Variants in URB1 observed in about 807,000 individuals in gnomAD.
URB1 encodes the protein URB1 ribosome biogenesis factor.
URB1 carries 197 observed loss-of-function variants against 242.3 expected under a neutral mutation model. The ratio of observed to expected loss-of-function variants is 0.81; its 90% CI spans 0.72 to 0.91. URB1 has a LOEUF of 0.91. Ranked by LOEUF, URB1 falls within the 40% of genes least tolerant of loss-of-function variation. URB1 has a pLI of 0.00. For synonymous variants in URB1, 1,153 were observed against 1,201.8 expected (o/e 0.96, Z 0.84); for missense variants, 2,721 against 2,860.5 (o/e 0.95, Z 1.11).
At position 32,373,691 on chromosome 21, in the gene URB1, A is replaced by G; in HGVS notation, c.832T>C (p.Tyr278His). Residue 278 changes from tyrosine (Y) to histidine (H), a missense_variant, in exon 7 of 39, where the codon TAC (tyrosine) becomes CAC (histidine). Transcript: ENST00000382751. ...GQLLNHIASL[Y>H]NWNGITDVNP... Reference sequence around the variant, plus strand: ...ACATCGGTAATCCCATTCCAGTTGTACAGCGATGCTATGTGGTTCAATAAC... The same window carrying G: ...ACATCGGTAATCCCATTCCAGTTGTGCAGCGATGCTATGTGGTTCAATAAC... The G allele has an allele frequency of 6.5e-7, 1 of 1,547,722 alleles. No homozygotes were observed. The highest frequency in any genetic ancestry group is 1.4e-5 in the African/African-American group (1 of 72,882).
chr21:32,386,379 C>T (rs1156655127), intron 1 of URB1, among the ~76,000 whole-genome samples: 1 of 152,142 alleles, frequency 6.6e-6, no homozygotes, highest in African/African-American at 2.4e-5. Context: ...TGTCTGCAAG[C>T]CAGGACGTGC....
chr21:32,363,150 G>T lies in URB1; in HGVS notation c.1509+6C>A. 1 of 1,550,680 alleles carries T rather than the reference G, an allele frequency of 6.4e-7. No individual in the cohort carries two copies. The highest frequency in any genetic ancestry group is 8.7e-7 in the Non-Finnish European group (1 of 1,146,680). ...AAGGAAAGCCCAAACCCAGATCAGA[G>T]CCTACCTTGCTCAGGGCTTCTCTGA... On this transcript the variant is annotated splice_donor_region_variant and intron_variant, in intron 11 of 38. Transcript: ENST00000382751.
chr21:32,319,480 C>T (rs1230196147), intron 35 of URB1, 66 bp from the exon 36 acceptor site: 43 of 1,401,794 alleles, frequency 3.1e-5, no homozygotes, highest in Non-Finnish European at 4.0e-5. Context: ...CAGACTATCG[C>T]CCTCCATAAT....
chr21:32,312,378 C>T lies in URB1; in HGVS notation c.*2540G>A, dbSNP rs949939720. ...CTGAGTTCACCTGGTCCTTCTGTAC[C>T]TTTGTTAGGATGCTGGGTAAGTTCC... On this transcript the variant is annotated 3_prime_UTR_variant, in exon 39 of 39. Transcript: ENST00000382751. The T allele has an allele frequency of 8.9e-7, 1 of 1,121,432 alleles. No individual in the cohort carries two copies. Among genetic ancestry groups the T allele is most frequent in the Middle Eastern group, 4.1e-4 (1 of 2,450 alleles). The allele number at this position is 1,121,432 out of a possible 1,614,324, so 69.5% of individuals were successfully genotyped here.
chr21:32,352,630 C>T, intron 19 of URB1, 80 bp downstream of exon 19: 5 of 1,520,600 alleles, frequency 3.3e-6, no homozygotes, highest in Non-Finnish European at 4.4e-6. Flanking sequence ...TACCCAACTG[C>T]ACAGCTGTGG....
chr21:32,320,676 GA>G (rs1214444807), intron 34 of URB1, 36 bp from the exon 35 acceptor site: 3 of 1,421,596 alleles, frequency 2.1e-6, no homozygotes, highest in African/African-American at 2.9e-5. Flanking sequence ...TCTTCAGTGA[GA>G]AAACCCACTT....
intron 31 of URB1, 132 bp downstream of exon 31, chr21:32,325,097 A>G: frequency 2.5e-6 from 3 of 1,196,264 alleles, no homozygotes; most frequent in Non-Finnish European, 3.4e-6. Flanking sequence ...TTTGCTCTTC[A>G]GCAGAGATCT....
rs533329211 is a variant in URB1, at chr21:32,333,740, A to T, written c.4858-321T>A. Among the ~76,000 whole-genome samples, 12 of 152,348 alleles carry T rather than the reference A, an allele frequency of 7.9e-5. No homozygotes were observed. The South Asian group carries it at 2.5e-3, about 32-fold the overall frequency. On this transcript the variant is annotated intron_variant, in intron 29 of 38. Transcript: ENST00000382751. ...CTCATGTTAGTGCTCAAAAAGCTTCAAATTTTGGAACATTTCAGATTTGGG... is the reference window on the plus strand; with the variant it reads ...CTCATGTTAGTGCTCAAAAAGCTTCTAATTTTGGAACATTTCAGATTTGGG...
intron 6 of URB1, among the ~76,000 whole-genome samples, chr21:32,375,008 A>G (rs971450710): frequency 1.6e-4 from 25 of 152,260 alleles, no homozygotes; most frequent in African/African-American, 6.0e-4. Context: ...TAAAATATCA[A>G]TAAGATGCTT....
chr21:32,347,231 G>A lies in URB1; in HGVS notation c.3593C>T (p.Thr1198Ile), dbSNP rs2033100192. The A allele has an allele frequency of 6.4e-7, 1 of 1,550,604 alleles. No individual in the cohort carries two copies. The highest frequency in any genetic ancestry group is 2.0e-5 in the Admixed American group (1 of 50,996). Residue 1198 changes from threonine (T) to isoleucine (I), a missense_variant, in exon 22 of 39, where the codon ACA (threonine) becomes ATA (isoleucine). Transcript: ENST00000382751. ...LPTLAVDELDTVLLHTLQRDP... is the reference protein window; with the variant it reads ...LPTLAVDELDIVLLHTLQRDP... Reference sequence around the variant, plus strand: ...TCTCTGCAGAGTGTGGAGGAGCACTGTGTCCAGCTCGTCCACTGCTAGCGT... The same window carrying A: ...TCTCTGCAGAGTGTGGAGGAGCACTATGTCCAGCTCGTCCACTGCTAGCGT...
chr21:32,367,305 C>T (rs1336025303), intron 9 of URB1, among the ~76,000 whole-genome samples: 1 of 152,134 alleles, frequency 6.6e-6, no homozygotes, highest in African/African-American at 2.4e-5. Context: ...ACACTCACCC[C>T]TCCCCTATCC....
chr21:32,318,118 A>G (rs550619022), intron 36 of URB1, among the ~76,000 whole-genome samples: 2 of 152,292 alleles, frequency 1.3e-5, no homozygotes, highest in Admixed American at 1.3e-4. Flanking sequence ...GAAGGCACAA[A>G]GGGGACCTGG....
intron 23 of URB1, 85 bp downstream of exon 23, chr21:32,345,289 C>T: frequency 2.2e-6 from 3 of 1,392,218 alleles, no homozygotes; most frequent in Non-Finnish European, 3.0e-6. Flanking sequence ...AGTAATGCAG[C>T]AGTTTTTCAA....
In URB1 at chr21:32,347,775, G is replaced by T; in HGVS notation, c.3049C>A (p.Pro1017Thr). 6.5e-7 allele frequency: 1 copy of T among 1,547,562 alleles called. No homozygotes were observed. The highest frequency in any genetic ancestry group is 2.0e-5 in the Admixed American group (1 of 50,962). ...GCCAGGAACCAGCCCTCCAGGGTGG[G>T]GTGCCTGAGGATGGCCACAAGCACC... ...EEVLVAILRH[P>T]TLEGWFLALE... is the part of the protein sequence containing the mutation. The change falls in exon 22 of 39, where the codon CCC becomes ACC. Residue 1017 changes from proline to threonine, a missense_variant. By Grantham distance (38) the Pro-to-Thr change is conservative. Coordinates refer to ENST00000382751, the MANE Select transcript of URB1 (RefSeq NM_014825.3).
intron 38 of URB1, among the ~76,000 whole-genome samples, chr21:32,315,642 TACAAG>T (rs1348818790): frequency 3.3e-5 from 5 of 152,230 alleles, no homozygotes. Flanking sequence ...AAAAAGCTGT[TACAAG>T]ACAAGTCTCT....
In URB1 at chr21:32,314,587, G is replaced by A. The variant is rs200672846; in HGVS notation, c.*331C>T. ...ATGAATCTCTTCTGCATTCAGAAGT[G>A]CTGCCTCAAACTCGAGCTATTTCCT... On this transcript the variant is annotated 3_prime_UTR_variant, in exon 39 of 39. Coordinates refer to ENST00000382751, the MANE Select transcript of URB1 (RefSeq NM_014825.3). 2 of 1,614,218 alleles carry A rather than the reference G, an allele frequency of 1.2e-6. No individual in the cohort carries two copies. Among genetic ancestry groups the A allele is most frequent in the Admixed American group, 1.7e-5 (1 of 60,030 alleles).
intron 8 of URB1, among the ~76,000 whole-genome samples, chr21:32,369,567 C>G (rs1426192793): frequency 6.6e-6 from 1 of 152,162 alleles, no homozygotes. Flanking sequence ...TCAAGTGACC[C>G]TCCTGCCTCA....
At chr21:32,366,888 G>T in intron 9 of URB1, 133 bp from the exon 10 acceptor site, 2 of 971,682 alleles carry the variant, frequency 2.1e-6, no homozygotes, top group Non-Finnish European at 3.0e-6. Context: ...TCCCCACAAG[G>T]CAGAGTGGAA....
chr21:32,334,168 G>C lies in URB1; in HGVS notation c.4852C>G (p.Pro1618Ala), dbSNP rs566568618. The C allele has an allele frequency of 9.0e-5, 139 of 1,544,512 alleles. No individual in the cohort carries two copies. In the East Asian group the frequency reaches 3.1e-3, roughly 34 times the overall value. Residue 1618 changes from proline to alanine, a missense_variant, in exon 29 of 39, where the codon CCC becomes GCC. Pro to Ala is a conservative substitution (Grantham distance 27). Coordinates refer to ENST00000382751, the MANE Select transcript of URB1 (RefSeq NM_014825.3). The stretch of plus-strand genomic sequence containing the variant: ...CAGAACAGCAGCAGCCCAACCTCGG[G>C]GGGCAGCAGCCTCCGGTTCTGGGGG... ...HFPQNRRLLPPEDTQELIFKD... is the reference protein window; with the variant it reads ...HFPQNRRLLPAEDTQELIFKD...
Sources: gnomAD v4.1 joint callset for allele counts (sites outside exome capture counted in the v4.1 genomes callset) on GRCh38, gnomAD v4.1.1 for gene constraint, MANE v1.5 for transcripts, NCBI Gene and HGNC (gene_info 2026-07-23, HGNC 2026-07-21) for gene names.